The following NTM variants were observed in gnomAD, a reference collection of about 807,000 sequenced individuals.
The protein encoded by NTM is IgLON family member 2.
Under a neutral mutation model 42.1 loss-of-function variants are expected in NTM, and 13 were observed. That is an observed-to-expected ratio of 0.31 (90% CI 0.20 to 0.49). The LOEUF is 0.49. NTM is among the 20% of genes least tolerant of loss of function. The pLI, the probability that NTM is intolerant of heterozygous loss-of-function variation, is 0.99. For missense variants in NTM, 373 were observed against 452.8 expected, an observed-to-expected ratio of 0.82 and a Z score of 1.60; for synonymous variants, 187 against 179.2, an observed-to-expected ratio of 1.04 and a Z score of -0.35.
intron 1 of NTM, among the ~76,000 whole-genome samples, chr11:131,910,642 C>A (rs1302294116): frequency 3.3e-5 from 5 of 150,468 alleles, no homozygotes; most frequent in Non-Finnish European, 5.9e-5. Flanking sequence ...GAAGGCGGCG[C>A]GGAGGCCGGG....
At chr11:131,821,912 T>C (rs146065344) in intron 1 of NTM, among the ~76,000 whole-genome samples, 46 of 152,350 alleles carry the variant, frequency 3.0e-4, no homozygotes, top group African/African-American at 1.1e-3. Flanking sequence ...CTAGTTTCTT[T>C]GTGGACAAAA....
chr11:132,196,991 A>G (rs1415983436), intron 3 of NTM, among the ~76,000 whole-genome samples: 1 of 152,194 alleles, frequency 6.6e-6, no homozygotes, highest in Admixed American at 6.5e-5. Flanking sequence ...GGCCTGTGAG[A>G]GTGAAGCTCA....
intron 2 of NTM, among the ~76,000 whole-genome samples, chr11:131,992,451 T>C (rs564244113): frequency 6.6e-6 from 1 of 152,082 alleles, no homozygotes; most frequent in Non-Finnish European, 1.5e-5. Flanking sequence ...ACCCCCACAT[T>C]GTTCGAAGTT....
chr11:131,813,192 T>C (rs1286428737), intron 1 of NTM, among the ~76,000 whole-genome samples: 1 of 152,198 alleles, frequency 6.6e-6, no homozygotes, highest in African/African-American at 2.4e-5. Flanking sequence ...ATCAATTTAG[T>C]TTAAGGTATC....
chr11:131,807,510 T>G (rs1319328471), intron 1 of NTM, among the ~76,000 whole-genome samples: 1 of 152,220 alleles, frequency 6.6e-6, no homozygotes, highest in Non-Finnish European at 1.5e-5. Flanking sequence ...CCTTTGTGTC[T>G]TTACGCAAGT....
chr11:131,678,067 G>A (rs930130967), intron 1 of NTM, among the ~76,000 whole-genome samples: 1 of 152,250 alleles, frequency 6.6e-6, no homozygotes, highest in Non-Finnish European at 1.5e-5. Context: ...TTGATGAAGT[G>A]AAGAGGCTGG....
chr11:131,965,168 A>G (rs2062675062), intron 2 of NTM, among the ~76,000 whole-genome samples: 1 of 152,176 alleles, frequency 6.6e-6, no homozygotes, highest in South Asian at 2.1e-4. Flanking sequence ...ATGGAAAACA[A>G]GGGTTGAACA....
intron 4 of NTM, among the ~76,000 whole-genome samples, chr11:132,250,596 CTT>C (rs201173146): frequency 6.8e-6 from 1 of 146,326 alleles, no homozygotes. Context: ...ACACTATTCA[CTT>C]TTTTTTTTTT....
At chr11:131,911,038 G>A in intron 1 of NTM, 1 of 1,045,180 alleles carries the variant, frequency 9.6e-7, no homozygotes, top group Non-Finnish European at 1.2e-6. Context: ...CGTTCGAACT[G>A]AGGGACTGCA....
chr11:132,308,372 C>CT (rs1452169765), intron 5 of NTM, among the ~76,000 whole-genome samples: 1 of 152,160 alleles, frequency 6.6e-6, no homozygotes, highest in East Asian at 1.9e-4. Context: ...TTGCTTGTTA[C>CT]TAATAGAGAT....
intron 2 of NTM, among the ~76,000 whole-genome samples, chr11:132,101,629 A>G (rs1356027649): frequency 6.6e-6 from 1 of 151,514 alleles, no homozygotes; most frequent in Non-Finnish European, 1.5e-5. Context: ...CCTGTTCCAT[A>G]TAATGCAGGC....
intron 1 of NTM, among the ~76,000 whole-genome samples, chr11:131,805,551 C>T (rs2092433732): frequency 1.3e-5 from 2 of 152,138 alleles, no homozygotes; most frequent in Non-Finnish European, 2.9e-5. Context: ...AAAGTTTGCC[C>T]TACTCTAATA....
intron 1 of NTM, among the ~76,000 whole-genome samples, chr11:131,377,398 C>T (rs1942112540): frequency 6.6e-6 from 1 of 152,118 alleles, no homozygotes; most frequent in Non-Finnish European, 1.5e-5. Context: ...GACTTCTGCA[C>T]AGAACTGGAG....
chr11:132,118,253 T>G (rs961570489), intron 2 of NTM, among the ~76,000 whole-genome samples: 1 of 152,154 alleles, frequency 6.6e-6, no homozygotes, highest in Non-Finnish European at 1.5e-5. Flanking sequence ...CCAAAGTCCC[T>G]GAGTATTATT....
chr11:131,384,944 C>T (rs1943129108), intron 1 of NTM, among the ~76,000 whole-genome samples: 1 of 152,236 alleles, frequency 6.6e-6, no homozygotes, highest in South Asian at 2.1e-4. Flanking sequence ...TTTCTGCCAT[C>T]TGGACCTGTT....
At chr11:131,891,707 A>AT (rs1195222654) in intron 1 of NTM, among the ~76,000 whole-genome samples, 2 of 152,148 alleles carry the variant, frequency 1.3e-5, no homozygotes, top group African/African-American at 4.8e-5. Flanking sequence ...AATCCCATGT[A>AT]TTTTTCTGTG....
chr11:132,119,249 T>C (rs937200975), intron 2 of NTM, among the ~76,000 whole-genome samples: 4 of 152,186 alleles, frequency 2.6e-5, no homozygotes, highest in African/African-American at 9.7e-5. Context: ...CTGCAAGTGG[T>C]GTCTACTGAG....
chr11:131,786,593 A>T (rs995494800), intron 1 of NTM, among the ~76,000 whole-genome samples: 7 of 152,168 alleles, frequency 4.6e-5, no homozygotes, highest in Admixed American at 1.3e-4. Flanking sequence ...AATTTTTTTT[A>T]AAATAGTAAA....
chr11:131,893,643 A>G (rs995143079), intron 1 of NTM, among the ~76,000 whole-genome samples: 2 of 152,204 alleles, frequency 1.3e-5, no homozygotes, highest in African/African-American at 2.4e-5. Flanking sequence ...TCCCAAGGAA[A>G]TGGAAATGGA....
Sources: gnomAD v4.1 joint callset for allele counts (sites outside exome capture counted in the v4.1 genomes callset) on GRCh38, gnomAD v4.1.1 for gene constraint, MANE v1.5 for transcripts, NCBI Gene and HGNC (gene_info 2026-07-23, HGNC 2026-07-21) for gene names.